KCNT2: variants seen among roughly 807,000 people sequenced by gnomAD.
KCNT2 encodes the protein potassium sodium-activated channel subfamily T member 2, also known as potassium channel subfamily T member 2.
In KCNT2, 67 loss-of-function variants were observed where a neutral mutation model predicts 153.8. That is an observed-to-expected ratio of 0.44 (90% CI 0.36 to 0.53). The LOEUF (loss-of-function observed/expected upper bound fraction) is 0.53, where lower values mean the gene tolerates loss of function less well. KCNT2 is among the 20% of genes least tolerant of loss of function. The pLI is 0.00. For missense variants in KCNT2, 975 were observed against 1,354.8 expected (o/e 0.72, Z 4.40); for synonymous variants, 500 against 458.8 (o/e 1.09, Z -1.15).
At chr1:196,278,958 C>T (rs1658835145) in intron 25 of KCNT2, among the ~76,000 whole-genome samples, 1 of 152,148 alleles carries the variant, frequency 6.6e-6, no homozygotes, top group South Asian at 2.1e-4. Flanking sequence ...GAGAGATCCC[C>T]TTCCCTTTCC....
At chr1:196,233,978 A>G (rs1401798411) in intron 27 of KCNT2, among the ~76,000 whole-genome samples, 1 of 151,402 alleles carries the variant, frequency 6.6e-6, no homozygotes, top group East Asian at 1.9e-4. Context: ...AATAAATTCC[A>G]GTGCTTCAAA....
At chr1:196,377,449 G>T (rs1435331147) in intron 13 of KCNT2, among the ~76,000 whole-genome samples, 1 of 151,976 alleles carries the variant, frequency 6.6e-6, no homozygotes, top group Non-Finnish European at 1.5e-5. Context: ...AATGCATACT[G>T]TAGAAATACA....
At position 196,258,146 on chromosome 1, in the gene KCNT2, G is replaced by A. The variant is rs1219383647; in HGVS notation, c.3211+48C>T. 5 of 1,572,312 alleles carry A rather than the reference G, an allele frequency of 3.2e-6. No individual in the cohort carries two copies. The Admixed American group carries it at 7.3e-5, about 23-fold the overall frequency. On this transcript the variant is annotated intron_variant, in intron 26 of 27. Coordinates refer to ENST00000294725, the MANE Select transcript of KCNT2 (RefSeq NM_198503.5). ...TAGAACCAACTATATTACTACTAAT[G>A]GCAAGAAATCACGAGTCCATATATA...
At chr1:196,456,122 C>A (rs1403800563) in intron 8 of KCNT2, among the ~76,000 whole-genome samples, 1 of 151,992 alleles carries the variant, frequency 6.6e-6, no homozygotes, top group Non-Finnish European at 1.5e-5. Context: ...ACTTTTCTTG[C>A]CTGCCTCAGG....
At chr1:196,513,921 C>G (rs551739893) in intron 1 of KCNT2, among the ~76,000 whole-genome samples, 4 of 152,284 alleles carry the variant, frequency 2.6e-5, no homozygotes, top group African/African-American at 9.6e-5. Context: ...AAGGTGTATA[C>G]TCTCTTAGAG....
chr1:196,255,499 C>G (rs1002216218), intron 26 of KCNT2, among the ~76,000 whole-genome samples: 3 of 151,794 alleles, frequency 2.0e-5, no homozygotes, highest in Non-Finnish European at 4.4e-5. Context: ...CTCCCAATCC[C>G]TTGGAGCTAG....
intron 1 of KCNT2, among the ~76,000 whole-genome samples, chr1:196,605,483 T>C (rs891794385): frequency 1.3e-5 from 2 of 152,178 alleles, no homozygotes; most frequent in Non-Finnish European, 2.9e-5. Flanking sequence ...CAGCTTGTTC[T>C]CCAAGCAGGA....
chr1:196,323,327 T>A (rs566894273), intron 19 of KCNT2, among the ~76,000 whole-genome samples: 61 of 152,088 alleles, frequency 4.0e-4, no homozygotes, highest in Non-Finnish European at 5.0e-4. Flanking sequence ...ATCTTTCCCT[T>A]CATCCTTATG....
intron 1 of KCNT2, among the ~76,000 whole-genome samples, chr1:196,513,281 C>T (rs1262556371): frequency 6.6e-6 from 1 of 152,170 alleles, no homozygotes; most frequent in Non-Finnish European, 1.5e-5. Context: ...TTAAAAGTTA[C>T]TCTGCAGTGG....
intron 14 of KCNT2, among the ~76,000 whole-genome samples, chr1:196,353,395 A>G (rs1164364792): frequency 1.3e-5 from 2 of 151,958 alleles, no homozygotes; most frequent in Non-Finnish European, 2.9e-5. Flanking sequence ...TAAGAAGATT[A>G]GCAAATAAAA....
chr1:196,446,411 G>A (rs1291330664), intron 8 of KCNT2, among the ~76,000 whole-genome samples: 1 of 151,294 alleles, frequency 6.6e-6, no homozygotes, highest in Non-Finnish European at 1.5e-5. Flanking sequence ...AAAGTATGGA[G>A]CAAGCTGTGG....
At chr1:196,398,538 G>C in intron 13 of KCNT2, 25 bp downstream of exon 13, 1 of 1,276,464 alleles carries the variant, frequency 7.8e-7, no homozygotes, top group East Asian at 2.3e-5. Context: ...AAATTCAATG[G>C]ATCTCATGCA....
chr1:196,273,887 T>A (rs1362723801), intron 25 of KCNT2, among the ~76,000 whole-genome samples: 1 of 151,668 alleles, frequency 6.6e-6, no homozygotes, highest in Non-Finnish European at 1.5e-5. Context: ...TATTGGTACA[T>A]TAATATGCTT....
At chr1:196,406,087 T>A (rs1671807040) in intron 12 of KCNT2, among the ~76,000 whole-genome samples, 1 of 151,622 alleles carries the variant, frequency 6.6e-6, no homozygotes, top group South Asian at 2.1e-4. Flanking sequence ...CAAAAGCACC[T>A]TGAGGTCAGG....
chr1:196,419,963 T>C (rs1314525351), intron 12 of KCNT2, among the ~76,000 whole-genome samples: 2 of 152,052 alleles, frequency 1.3e-5, no homozygotes, highest in African/African-American at 2.4e-5. Flanking sequence ...ATGTCTTTCA[T>C]AATATTCTAC....
At position 196,326,836 on chromosome 1, in the gene KCNT2, T is replaced by A. The variant is rs371308051; in HGVS notation, c.2157A>T (p.Lys719Asn). ...EDAKAYGFKN[K>N]LIIVAAETAG... ...CTGTTTCAGCTGCAACTATAATTAG[T>A]TTATTTTTGAATCCATAGGCTTTTG... Residue 719 changes from lysine to asparagine, a missense_variant, in exon 19 of 28, where the codon AAA becomes AAT. By Grantham distance (94) the Lys-to-Asn change is moderately conservative. Around this residue, in one of 6 missense-constraint regions of KCNT2, gnomAD observed 325 missense variants for 388.1 expected, o/e 0.84. Coordinates refer to ENST00000294725, the MANE Select transcript of KCNT2 (RefSeq NM_198503.5). 5.0e-6 allele frequency: 8 copies of A among 1,589,088 alleles called. No individual in the cohort carries two copies. The highest frequency in any genetic ancestry group is 2.3e-5 in the East Asian group (1 of 43,544).
intron 9 of KCNT2, among the ~76,000 whole-genome samples, chr1:196,428,633 A>C (rs1173010921): frequency 6.6e-6 from 1 of 152,036 alleles, no homozygotes; most frequent in Non-Finnish European, 1.5e-5. Flanking sequence ...ATGCAATAGG[A>C]GTTACTCTTA....
chr1:196,595,002 T>C (rs956827245), intron 1 of KCNT2, among the ~76,000 whole-genome samples: 3 of 152,046 alleles, frequency 2.0e-5, no homozygotes, highest in Non-Finnish European at 4.4e-5. Flanking sequence ...AAGAAGACTA[T>C]GATGAAAATG....
intron 1 of KCNT2, among the ~76,000 whole-genome samples, chr1:196,550,222 T>C (rs1657710753): frequency 6.6e-6 from 1 of 151,900 alleles, no homozygotes. Flanking sequence ...ATTGCTCAAA[T>C]AGACCAAATT....
Sources: gnomAD v4.1 joint callset for allele counts (sites outside exome capture counted in the v4.1 genomes callset) on GRCh38, gnomAD v4.1.1 for gene constraint, gnomAD v4.1.1 regional missense constraint, MANE v1.5 for transcripts, NCBI Gene and HGNC (gene_info 2026-07-23, HGNC 2026-07-21) for gene names.